KAZN: variants seen among roughly 807,000 people sequenced by gnomAD.
KAZN encodes kazrin.
Under a neutral mutation model 87.4 loss-of-function variants are expected in KAZN, and 40 were observed. That is an observed-to-expected ratio of 0.46 (90% CI 0.36 to 0.60). The LOEUF is 0.60. KAZN is among the 20% of genes least tolerant of loss of function. The pLI is 0.00. For missense variants in KAZN, 898 were observed against 1,073.9 expected (o/e 0.84, Z 2.29); for synonymous variants, 466 against 458.3 (o/e 1.02, Z -0.22).
intron 1 of KAZN, among the ~76,000 whole-genome samples, chr1:14,833,532 T>A (rs1458424563): frequency 1.3e-5 from 2 of 152,016 alleles, no homozygotes; most frequent in Non-Finnish European, 1.5e-5. Flanking sequence ...CCCTCAGATA[T>A]CCCGCCAAGG....
intron 2 of KAZN, among the ~76,000 whole-genome samples, chr1:14,223,328 A>G (rs543207681): frequency 3.3e-5 from 5 of 152,342 alleles, no homozygotes; most frequent in East Asian, 3.9e-4. Flanking sequence ...AAATCCAGCT[A>G]TAGTAGGCTT....
Position 14,740,674 on chromosome 1 carries a change from T to C in KAZN, c.226+141451T>C, listed in dbSNP as rs1572368072. Reference sequence around the variant, plus strand: ...TGGCCGCCCGCACTCCCATCTCAGGTTTCTACTGCTGTGATTCTGAGCTGC... The same window carrying C: ...TGGCCGCCCGCACTCCCATCTCAGGCTTCTACTGCTGTGATTCTGAGCTGC... On this transcript the variant is annotated intron_variant, in intron 1 of 14. Transcript: ENST00000376030. 3.9e-5 allele frequency among the ~76,000 whole-genome samples: 6 copies of C among 152,250 alleles called. 2 individuals carry two copies. The South Asian group carries it at 1.2e-3, about 32-fold the overall frequency.
intron 2 of KAZN, among the ~76,000 whole-genome samples, chr1:14,328,565 T>G (rs533127189): frequency 1.2e-4 from 18 of 151,492 alleles, no homozygotes; most frequent in African/African-American, 4.4e-4. Flanking sequence ...TAGCTGGGCG[T>G]GGTGGTGAGC....
intron 1 of KAZN, among the ~76,000 whole-genome samples, chr1:14,814,683 C>T (rs528371609): frequency 1.3e-5 from 2 of 152,238 alleles, no homozygotes; most frequent in African/African-American, 4.8e-5. Flanking sequence ...TGGGGTACAC[C>T]GAGGCTTCCT....
intron 2 of KAZN, among the ~76,000 whole-genome samples, chr1:14,981,563 A>G (rs534336874): frequency 6.6e-6 from 1 of 152,372 alleles, no homozygotes; most frequent in East Asian, 1.9e-4. Context: ...CTGGGGGGTT[A>G]TAGCCCTGTG....
chr1:15,110,113 GTGTGTATTTGTGTATGTGTC>G (rs1573321918), intron 13 of KAZN, among the ~76,000 whole-genome samples: 3 of 127,386 alleles, frequency 2.4e-5, no homozygotes, highest in Non-Finnish European at 5.2e-5. Context: ...GCGTATTTGT[GTGTGTATTTGTGTATGTGTC>G]TGTGTATTTG....
At chr1:13,964,457 T>G (rs1335264558) in intron 1 of KAZN, among the ~76,000 whole-genome samples, 2 of 152,160 alleles carry the variant, frequency 1.3e-5, no homozygotes, top group African/African-American at 2.4e-5. Flanking sequence ...GTTCTGTGAG[T>G]CCGCAATAGG....
chr1:14,046,238 T>G (rs1055032786), intron 1 of KAZN, among the ~76,000 whole-genome samples: 2 of 152,126 alleles, frequency 1.3e-5, no homozygotes, highest in African/African-American at 4.8e-5. Flanking sequence ...TCTCACCAAA[T>G]GAAAAATTAA....
At chr1:15,029,823 G>A (rs576986893) in intron 2 of KAZN, among the ~76,000 whole-genome samples, 6 of 152,208 alleles carry the variant, frequency 3.9e-5, no homozygotes, top group South Asian at 2.1e-4. Context: ...AGAGGGCAGC[G>A]GTGTAAATCC....
chr1:14,760,082 G>C (rs763222724), intron 1 of KAZN, among the ~76,000 whole-genome samples: 1 of 152,032 alleles, frequency 6.6e-6, no homozygotes, highest in African/African-American at 2.4e-5. Flanking sequence ...TACATTCCAG[G>C]TGGGTGTAAC....
intron 2 of KAZN, among the ~76,000 whole-genome samples, chr1:14,333,906 C>G (rs763562317): frequency 6.6e-6 from 1 of 152,060 alleles, no homozygotes; most frequent in Non-Finnish European, 1.5e-5. Context: ...CCTGGAGCCC[C>G]GTGAGTATGG....
At chr1:14,981,074 T>A (rs1666201212) in intron 2 of KAZN, among the ~76,000 whole-genome samples, 1 of 152,104 alleles carries the variant, frequency 6.6e-6, no homozygotes, top group Non-Finnish European at 1.5e-5. Flanking sequence ...CAGCCTCCTC[T>A]GCAGAACAGC....
At chr1:14,150,878 A>G (rs753207429) in intron 1 of KAZN, among the ~76,000 whole-genome samples, 5 of 152,210 alleles carry the variant, frequency 3.3e-5, no homozygotes, top group Non-Finnish European at 7.3e-5. Context: ...TGTATATTTC[A>G]GTGTGGGAAA....
intron 1 of KAZN, among the ~76,000 whole-genome samples, chr1:14,796,730 C>T (rs1312920731): frequency 1.3e-5 from 2 of 152,206 alleles, no homozygotes; most frequent in South Asian, 2.1e-4. Flanking sequence ...TGGCATAACA[C>T]GAGAGTCCTC....
At chr1:13,928,876 G>A (rs1199706450) in intron 1 of KAZN, among the ~76,000 whole-genome samples, 1 of 150,228 alleles carries the variant, frequency 6.7e-6, no homozygotes. Context: ...CTCTAATTTT[G>A]GAGAAAGAGC....
At chr1:14,259,429 G>T (rs1417532415) in intron 2 of KAZN, among the ~76,000 whole-genome samples, 1 of 152,088 alleles carries the variant, frequency 6.6e-6, no homozygotes, top group Admixed American at 6.5e-5. Flanking sequence ...ATGTACCCAG[G>T]CGCTCCAAAC....
chr1:14,255,119 CAAAAAAAAAA>C (rs71570191), intron 2 of KAZN, among the ~76,000 whole-genome samples: 2 of 83,758 alleles, frequency 2.4e-5, no homozygotes, highest in Admixed American at 1.3e-4. Context: ...GACTCTGTCT[CAAAAAAAAAA>C]AAAAAAAAAA....
chr1:14,047,446 G>A (rs747459747), intron 1 of KAZN, among the ~76,000 whole-genome samples: 12 of 152,278 alleles, frequency 7.9e-5, no homozygotes, highest in East Asian at 1.9e-4. Context: ...CAGGCTGCTC[G>A]AACAGCACTT....
At chr1:15,078,147 G>T (rs1412580108) in intron 8 of KAZN, among the ~76,000 whole-genome samples, 1 of 152,160 alleles carries the variant, frequency 6.6e-6, no homozygotes, top group Non-Finnish European at 1.5e-5. Context: ...GGATGCGGTG[G>T]TTCATGCCTG....
Sources: gnomAD v4.1 joint callset for allele counts (sites outside exome capture counted in the v4.1 genomes callset) on GRCh38, gnomAD v4.1.1 for gene constraint, MANE v1.5 for transcripts, NCBI Gene and HGNC (gene_info 2026-07-23, HGNC 2026-07-21) for gene names.